PRKG1: variants seen among roughly 807,000 people sequenced by gnomAD.
PRKG1 encodes cGMP-dependent protein kinase 1.
A neutral mutation model predicts 88.1 loss-of-function variants in PRKG1; 35 were observed. The ratio of observed to expected loss-of-function variants is 0.40; its 90% CI spans 0.30 to 0.53. PRKG1 has a LOEUF of 0.53. Among genes scored for constraint, PRKG1 ranks in the 20% least tolerant of loss-of-function variants. PRKG1 has a pLI of 0.59. For missense variants in PRKG1, 540 were observed against 839.8 expected (o/e 0.64, Z 4.41); for synonymous variants, 303 against 292.5 (o/e 1.04, Z -0.37).
chr10:51,188,858 C>T (rs923938982), intron 2 of PRKG1, among the ~76,000 whole-genome samples: 5 of 151,784 alleles, frequency 3.3e-5, no homozygotes, highest in Non-Finnish European at 7.4e-5. Flanking sequence ...CTCAGAATCT[C>T]CAAAAGAACT....
chr10:52,245,317 A>T (rs1407700209), intron 9 of PRKG1, among the ~76,000 whole-genome samples: 1 of 152,080 alleles, frequency 6.6e-6, no homozygotes, highest in Admixed American at 6.6e-5. Context: ...ACATTTAAGT[A>T]AGCTGGGATT....
chr10:52,139,433 A>T (rs1034537517), intron 8 of PRKG1, among the ~76,000 whole-genome samples: 2 of 152,068 alleles, frequency 1.3e-5, no homozygotes, highest in African/African-American at 4.8e-5. Flanking sequence ...ATCTCCTCCC[A>T]GCCGCATTGC....
chr10:51,110,612 G>A (rs1415896814), intron 1 of PRKG1, among the ~76,000 whole-genome samples: 4 of 151,912 alleles, frequency 2.6e-5, no homozygotes, highest in Admixed American at 2.0e-4. Flanking sequence ...TCTTGACTGT[G>A]GTGATGTTTT....
At chr10:52,071,171 G>T (rs1459195533) in intron 7 of PRKG1, among the ~76,000 whole-genome samples, 2 of 151,760 alleles carry the variant, frequency 1.3e-5, no homozygotes, top group African/African-American at 4.8e-5. Flanking sequence ...GATTCAGAAG[G>T]TACATGTGCA....
chr10:51,168,145 C>T (rs1312810404), intron 2 of PRKG1, among the ~76,000 whole-genome samples: 3 of 152,096 alleles, frequency 2.0e-5, no homozygotes. Context: ...AAAGTGTGAT[C>T]AGGGACACTT....
intron 3 of PRKG1, among the ~76,000 whole-genome samples, chr10:51,655,010 C>T (rs995103512): frequency 1.3e-5 from 2 of 152,148 alleles, no homozygotes; most frequent in African/African-American, 4.8e-5. Flanking sequence ...TTCCTCCCAT[C>T]TTGGGTTACT....
At chr10:51,296,032 T>A (rs1245899040) in intron 2 of PRKG1, among the ~76,000 whole-genome samples, 2 of 152,166 alleles carry the variant, frequency 1.3e-5, no homozygotes, top group African/African-American at 4.8e-5. Flanking sequence ...TACCACTTGG[T>A]CACGGTGTAT....
intron 5 of PRKG1, among the ~76,000 whole-genome samples, chr10:51,969,008 C>A (rs564303647): frequency 6.6e-6 from 1 of 151,788 alleles, no homozygotes; most frequent in Admixed American, 6.6e-5. Context: ...TTTAATGATT[C>A]TAAAACAGCA....
intron 7 of PRKG1, among the ~76,000 whole-genome samples, chr10:52,071,461 G>A (rs78740100): frequency 0.035 from 5,272 of 152,244 alleles, 128 homozygotes; most frequent in Non-Finnish European, 0.053. Context: ...CTATGTTGCT[G>A]CAATGGACAT....
intron 2 of PRKG1, among the ~76,000 whole-genome samples, chr10:51,464,079 G>A (rs564497979): frequency 1.3e-5 from 2 of 151,978 alleles, no homozygotes; most frequent in East Asian, 3.9e-4. Flanking sequence ...AGACCGTCTT[G>A]GCCAACATGG....
chr10:51,451,521 C>T (rs1334307435), intron 2 of PRKG1, among the ~76,000 whole-genome samples: 1 of 151,936 alleles, frequency 6.6e-6, no homozygotes, highest in Non-Finnish European at 1.5e-5. Flanking sequence ...TAGAGAAGAT[C>T]TGTATTCATG....
chr10:51,249,056 A>G (rs970353900), intron 2 of PRKG1, among the ~76,000 whole-genome samples: 1 of 151,874 alleles, frequency 6.6e-6, no homozygotes, highest in African/African-American at 2.4e-5. Context: ...ATGCAAATTT[A>G]TCATTTATAA....
chr10:52,082,061 A>T (rs891227203), intron 7 of PRKG1, among the ~76,000 whole-genome samples: 4 of 152,164 alleles, frequency 2.6e-5, no homozygotes, highest in Non-Finnish European at 5.9e-5. Context: ...ATCATGGTGT[A>T]CAGGGAAGCA....
intron 9 of PRKG1, among the ~76,000 whole-genome samples, chr10:52,250,089 G>A (rs1268269194): frequency 6.6e-6 from 1 of 152,136 alleles, no homozygotes; most frequent in African/African-American, 2.4e-5. Context: ...TTTTCCAAAA[G>A]TAGCAAGCCA....
intron 3 of PRKG1, among the ~76,000 whole-genome samples, chr10:51,660,105 T>A (rs1840258891): frequency 7.4e-6 from 1 of 134,540 alleles, no homozygotes; most frequent in African/African-American, 2.7e-5. Context: ...AAAGAAATTC[T>A]CAAAGAAGGC....
chr10:52,034,181 G>A (rs181191343), intron 5 of PRKG1, among the ~76,000 whole-genome samples: 1 of 152,004 alleles, frequency 6.6e-6, no homozygotes, highest in Non-Finnish European at 1.5e-5. Flanking sequence ...GGATGCCATG[G>A]CTTGGCTTGG....
intron 1 of PRKG1, among the ~76,000 whole-genome samples, chr10:51,017,694 ACATTGGGATAGGTGTCATTTTAAAT>A (rs1843086130): frequency 6.6e-6 from 1 of 152,166 alleles, no homozygotes; most frequent in African/African-American, 2.4e-5. Context: ...TACAATCTTT[ACATTGGGATAGGTGTCATTTTAAAT>A]CATCATTTTT....
At chr10:51,716,768 C>G (rs1352512653) in intron 3 of PRKG1, among the ~76,000 whole-genome samples, 1 of 152,212 alleles carries the variant, frequency 6.6e-6, no homozygotes, top group Non-Finnish European at 1.5e-5. Context: ...TCTCACCTCA[C>G]TGCAACCTCT....
At chr10:51,628,277 C>T (rs1839425974) in intron 3 of PRKG1, among the ~76,000 whole-genome samples, 1 of 151,152 alleles carries the variant, frequency 6.6e-6, no homozygotes, top group African/African-American at 2.4e-5. Context: ...TGAATCTATC[C>T]TCTGCTTTCT....
Sources: gnomAD v4.1 joint callset for allele counts (sites outside exome capture counted in the v4.1 genomes callset) on GRCh38, gnomAD v4.1.1 for gene constraint, MANE v1.5 for transcripts, NCBI Gene and HGNC (gene_info 2026-07-23, HGNC 2026-07-21) for gene names.